Variants in FLNC observed in about 807,000 individuals in gnomAD.
The protein encoded by FLNC is filamin-C.
Under a neutral mutation model 254.3 loss-of-function variants are expected in FLNC, and 91 were observed. The ratio of observed to expected loss-of-function variants is 0.36; its 90% CI spans 0.30 to 0.43. The LOEUF (loss-of-function observed/expected upper bound fraction) is 0.43, where lower values mean the gene tolerates loss of function less well. FLNC is among the 20% of genes least tolerant of loss of function. FLNC has a pLI of 1.00. For synonymous variants in FLNC, 1,430 were observed against 1,577.2 expected (o/e 0.91, Z 2.21); for missense variants, 2,853 against 3,802.6 (o/e 0.75, Z 6.57).
At chr7:128,838,085 CT>C (rs760145229) in intron 6 of FLNC, 21 bp downstream of exon 6, 6 of 1,595,644 alleles carry the variant, frequency 3.8e-6, no homozygotes, top group Admixed American at 1.7e-5. Context: ...CTAGGCCCCC[CT>C]GCCTGCGCTG....
Position 128,842,937 on chromosome 7 carries a change from G to A in FLNC, c.2533G>A (p.Val845Met). The A allele has an allele frequency of 1.2e-6, 2 of 1,613,990 alleles. No individual in the cohort carries two copies. The highest frequency in any genetic ancestry group is 1.7e-6 in the Non-Finnish European group (2 of 1,180,024). The change falls in exon 16 of 48, where the codon GTG becomes ATG. Residue 845 changes from valine to methionine, a missense_variant. Coordinates refer to ENST00000325888, the MANE Select transcript of FLNC (RefSeq NM_001458.5). This position sits in a 1 kb window ranked among gnomAD's most constrained non-coding sequence, Gnocchi z 5.4. The stretch of plus-strand genomic sequence containing the variant: ...AGGGGCGGGCCGCTACACCATCATG[G>A]TGCTGTTTGCCAACCAGGTACCTAA... ...PPGAGRYTIM[V>M]LFANQEIPAS...
Position 128,841,694 on chromosome 7 carries a change from A to G in FLNC, c.2121+127A>G, listed in dbSNP as rs1229722710. The G allele has an allele frequency of 2.1e-5, 16 of 767,758 alleles. No homozygotes were observed. In the East Asian group the frequency reaches 3.6e-4, roughly 17 times the overall value. The allele number at this position is 767,758 out of a possible 1,614,324, so 47.6% of individuals were successfully genotyped here. A position where few individuals can be genotyped will look rare whatever the true frequency, so the allele number is the denominator to read the frequency against. On this transcript the variant is annotated intron_variant, in intron 13 of 47. Coordinates refer to ENST00000325888, the MANE Select transcript of FLNC (RefSeq NM_001458.5). The surrounding 1 kb of genome is among the most constrained non-coding windows in gnomAD (Gnocchi z 4.3). ...CATCACAGAAGATCAGGCAGGACTGATACTCATGGGCCCATCAGTACCATG... is the reference window on the plus strand; with the variant it reads ...CATCACAGAAGATCAGGCAGGACTGGTACTCATGGGCCCATCAGTACCATG...
chr7:128,844,659 T>C lies in FLNC; in HGVS notation c.3194T>C (p.Val1065Ala). Residue 1065 changes from valine (V) to alanine (A), a missense_variant and splice_region_variant, in exon 21 of 48, where the codon GTC becomes GCC. By Grantham distance (64) the Val-to-Ala change is moderately conservative. This residue lies in a region of FLNC where 1,573 missense variants were observed against 1,883.5 expected (regional missense o/e 0.84). Coordinates refer to ENST00000325888, the MANE Select transcript of FLNC (RefSeq NM_001458.5). ...EGVLPPDPSK[V>A]CAYGPGLKGG... The stretch of plus-strand genomic sequence containing the variant: ...CCCACAACCTGCCTCTTCCCCTAGG[T>C]CTGTGCTTATGGCCCGGGTCTCAAG... The C allele has an allele frequency of 6.2e-7, 1 of 1,611,336 alleles. No homozygotes were observed. Among genetic ancestry groups the C allele is most frequent in the Non-Finnish European group, 8.5e-7 (1 of 1,179,908 alleles).
chr7:128,834,946 C>T (rs1379645349), intron 1 of FLNC, among the ~76,000 whole-genome samples: 1 of 152,224 alleles, frequency 6.6e-6, no homozygotes, highest in Non-Finnish European at 1.5e-5. Flanking sequence ...CTAGCATGTG[C>T]AGTTTGCTGT....
rs770803250 is a variant in FLNC at position 128,854,225 on chromosome 7, C to T, written c.6727+9C>T. On this transcript the variant is annotated intron_variant, in intron 40 of 47. Coordinates refer to ENST00000325888, the MANE Select transcript of FLNC (RefSeq NM_001458.5). ...CACCCGGCAGCAGGAGGGTGAGCAC[C>T]GCACACTGGGCCGGCCGGGTCCTCA... The T allele has an allele frequency of 2.1e-5, 34 of 1,605,830 alleles. 1 individual carries two copies. Among genetic ancestry groups the T allele is most frequent in the South Asian group, 9.9e-5 (9 of 90,600 alleles).
Position 128,847,735 on chromosome 7 carries a change from C to T in FLNC, c.4327C>T (p.Pro1443Ser). 1 of 1,614,100 alleles carries T rather than the reference C, an allele frequency of 6.2e-7. No individual in the cohort carries two copies. Among genetic ancestry groups the T allele is most frequent in the Non-Finnish European group, 8.5e-7 (1 of 1,179,990 alleles). ...CGTGCCAGTGAAGGATGTGGTGGAC[C>T]CTGGGAAGGTGAAGTGCTCAGGGCC... Reference protein sequence around the residue: ...FRVPVKDVVDPGKVKCSGPGL... With the variant: ...FRVPVKDVVDSGKVKCSGPGL... The change falls in exon 25 of 48, where the codon CCT becomes TCT. Residue 1443 changes from proline to serine, a missense_variant. Pro to Ser is a moderately conservative substitution (Grantham distance 74). Around this residue, in one of 10 missense-constraint regions of FLNC, gnomAD observed 1,573 missense variants for 1,883.5 expected, o/e 0.84. Coordinates refer to ENST00000325888, the MANE Select transcript of FLNC (RefSeq NM_001458.5).
chr7:128,837,538 C>T lies in FLNC; in HGVS notation c.840C>T (p.Ala280=). 6.2e-7 allele frequency: 1 copy of T among 1,614,176 alleles called. No individual in the cohort carries two copies. The highest frequency in any genetic ancestry group is 8.5e-7 in the Non-Finnish European group (1 of 1,180,040). Residue 280 remains alanine (A), a synonymous_variant, in exon 4 of 48, where the codon GCC becomes GCT. Coordinates refer to ENST00000325888, the MANE Select transcript of FLNC (RefSeq NM_001458.5). ...SKQLNPKKAI[A]YGPGIEPQGN... ...AGCTGAACCCCAAGAAAGCCATCGC[C>T]TATGGGCCTGGTATGTGTGAGCCCC...
chr7:128,831,935 C>T (rs1470899054), intron 1 of FLNC, among the ~76,000 whole-genome samples: 1 of 152,132 alleles, frequency 6.6e-6, no homozygotes, highest in African/African-American at 2.4e-5. Context: ...GGAAGATCCC[C>T]CCGCCCACCC....
rs1808680388 is a variant in FLNC, at chr7:128,848,835, G to A, written c.4780G>A (p.Gly1594Arg). ...CAAGAAGGCCAACATCCGGGACAAT[G>A]GGGATGGCACGTACACTGTGTCCTA... Reference protein sequence around the residue: ...KPKKANIRDNGDGTYTVSYLP... With the variant: ...KPKKANIRDNRDGTYTVSYLP... The change falls in exon 28 of 48, where the codon GGG (glycine) becomes AGG (arginine). Residue 1594 changes from glycine (G) to arginine (R), a missense_variant. Gly to Arg is a moderately radical substitution (Grantham distance 125). Around this residue, in one of 10 missense-constraint regions of FLNC, gnomAD observed 1,573 missense variants for 1,883.5 expected, o/e 0.84. Coordinates refer to ENST00000325888, the MANE Select transcript of FLNC (RefSeq NM_001458.5). 2 of 1,614,176 alleles carry A rather than the reference G, an allele frequency of 1.2e-6. No homozygotes were observed. Among genetic ancestry groups the A allele is most frequent in the Non-Finnish European group, 1.7e-6 (2 of 1,180,030 alleles).
intron 31 of FLNC, 21 bp from the exon 32 acceptor site, chr7:128,850,363 G>A (rs548999980): frequency 7.5e-6 from 12 of 1,599,468 alleles, no homozygotes; most frequent in Admixed American, 1.7e-5. Flanking sequence ...GTCACTGACT[G>A]TTCCCTCTCA....
rs762095761 is a variant in FLNC at position 128,843,512 on chromosome 7, C to G, written c.2746C>G (p.Arg916Gly). The G allele has an allele frequency of 6.2e-7, 1 of 1,614,010 alleles. No individual in the cohort carries two copies. Among genetic ancestry groups the G allele is most frequent in the African/African-American group, 1.3e-5 (1 of 75,054 alleles). ...AGGGACAGCCAAGGGCGAGGTTGTG[C>G]GGGACTTTGAGATCATAGACAACCA... ...FAGTAKGEVV[R>G]DFEIIDNHDY... Residue 916 changes from arginine (R) to glycine (G), a missense_variant, in exon 18 of 48, where the codon CGG (arginine) becomes GGG (glycine). Arg to Gly is a moderately radical substitution (Grantham distance 125, BLOSUM62 -2). Around this residue, in one of 10 missense-constraint regions of FLNC, gnomAD observed 1,573 missense variants for 1,883.5 expected, o/e 0.84. Coordinates refer to ENST00000325888, the MANE Select transcript of FLNC (RefSeq NM_001458.5).
In FLNC at chr7:128,853,752, C is replaced by T. The variant is rs746096640; in HGVS notation, c.6399C>T (p.Arg2133=). 5.0e-6 allele frequency: 8 copies of T among 1,613,894 alleles called. No individual in the cohort carries two copies. The highest frequency in any genetic ancestry group is 4.2e-6 in the Non-Finnish European group (5 of 1,180,040). ...CTGTGAAGGTGACCGGCGAGGGCCG[C>T]ATGAAGGAGAGCATCACCCGGCGGA... ...PFTVKVTGEG[R]MKESITRRRQ... The change falls in exon 39 of 48, where the codon CGC becomes CGT. Residue 2133 remains arginine (R), a synonymous_variant. Transcript: ENST00000325888.
Position 128,846,108 on chromosome 7 carries a change from T to C in FLNC, c.3909T>C (p.Tyr1303=), listed in dbSNP as rs1329973329. ...CCTCGGGGGCCAAGACAGACACCTATGTGACAGACAATGGGGACGGCACCT... is the reference window on the plus strand; with the variant it reads ...CCTCGGGGGCCAAGACAGACACCTACGTGACAGACAATGGGGACGGCACCT... ...LNPSGAKTDT[Y]VTDNGDGTYR... The change falls in exon 22 of 48, where the codon TAT becomes TAC. Residue 1303 remains tyrosine, a synonymous_variant. Coordinates refer to ENST00000325888, the MANE Select transcript of FLNC (RefSeq NM_001458.5). 3 of 1,613,672 alleles carry C rather than the reference T, an allele frequency of 1.9e-6. No individual in the cohort carries two copies. The highest frequency in any genetic ancestry group is 2.7e-5 in the African/African-American group (2 of 74,824).
intron 10 of FLNC, 38 bp downstream of exon 10, chr7:128,840,712 C>T (rs1808295659): frequency 1.2e-6 from 2 of 1,611,994 alleles, no homozygotes; most frequent in Non-Finnish European, 1.7e-6. Context: ...CCTGTCTAGG[C>T]CATCACAGGG....
chr7:128,843,738 C>A (rs1189527481), intron 18 of FLNC, 58 bp from the exon 19 acceptor site: 2 of 1,542,900 alleles, frequency 1.3e-6, no homozygotes, highest in African/African-American at 1.4e-5. Context: ...TATTCACCAC[C>A]AGGATGTTGT....
At chr7:128,850,158 G>A in intron 31 of FLNC, 84 bp downstream of exon 31, 1 of 1,255,964 alleles carries the variant, frequency 8.0e-7, no homozygotes, top group Non-Finnish European at 1.1e-6. Flanking sequence ...GCCAGGGCGG[G>A]GACATGGTCT....
chr7:128,852,816 C>T lies in FLNC; in HGVS notation c.6005-12C>T. The T allele has an allele frequency of 1.2e-6, 2 of 1,613,850 alleles. No homozygotes were observed. The highest frequency in any genetic ancestry group is 1.7e-6 in the Non-Finnish European group (2 of 1,180,020). On this transcript the variant is annotated splice_polypyrimidine_tract_variant and intron_variant, in intron 36 of 47. Coordinates refer to ENST00000325888, the MANE Select transcript of FLNC (RefSeq NM_001458.5). ...CCCACAGGATGCTCTGCCTAACACC[C>T]ACTTTCCACAGGGATCTCCTTCACC... is the stretch of plus-strand genomic sequence containing the variant.
chr7:128,849,182 G>A lies in FLNC; in HGVS notation c.4929G>A (p.Val1643=). Residue 1643 remains valine, a splice_region_variant and synonymous_variant, in exon 29 of 48, where the codon GTG becomes GTA. Coordinates refer to ENST00000325888, the MANE Select transcript of FLNC (RefSeq NM_001458.5). The stretch of plus-strand genomic sequence containing the variant: ...CCTCACACTCTTCTCTCTTTCCAGT[G>A]TCCATTGGAGGCCATGGCCTGGGTG... ...TGDASKCLVT[V]SIGGHGLGAC... is the part of the protein sequence containing the mutation. 6.2e-7 allele frequency: 1 copy of A among 1,613,670 alleles called. No individual in the cohort carries two copies. Among genetic ancestry groups the A allele is most frequent in the South Asian group, 1.1e-5 (1 of 91,058 alleles).
chr7:128,837,015 T>G, intron 2 of FLNC, 145 bp from the exon 3 acceptor site: 1 of 659,380 alleles, frequency 1.5e-6, no homozygotes. Context: ...GCTGATGGGG[T>G]CAGCAGGAAC....
Sources: allele counts gnomAD v4.1 joint callset (sites outside exome capture counted in the v4.1 genomes callset), GRCh38; gene constraint gnomAD v4.1.1; regional missense constraint gnomAD v4.1.1; non-coding constraint Gnocchi (gnomAD v3.1); transcripts MANE v1.5; gene names NCBI Gene and HGNC (gene_info 2026-07-23, HGNC 2026-07-21).